The following MUSK variants were observed in gnomAD, a reference collection of about 807,000 sequenced individuals.
The protein encoded by MUSK is muscle, skeletal receptor tyrosine-protein kinase.
A neutral mutation model predicts 88.7 loss-of-function variants in MUSK; 55 were observed. The observed-to-expected ratio is 0.62, with a 90% CI of 0.50 to 0.78. The LOEUF (loss-of-function observed/expected upper bound fraction) is 0.78. Ranked by LOEUF, MUSK falls within the 30% of genes least tolerant of loss-of-function variation. The pLI is 0.00. For missense variants in MUSK, 1,015 were observed against 1,074.3 expected (o/e 0.94, Z 0.77); for synonymous variants, 387 against 391.9 (o/e 0.99, Z 0.15).
chr9:110,797,186 AAAG>A (rs1273788304), intron 14 of MUSK, among the ~76,000 whole-genome samples: 19 of 142,296 alleles, frequency 1.3e-4, no homozygotes, highest in African/African-American at 3.6e-4. Flanking sequence ...AAAAAAAAAA[AAAG>A]AAGGCATTTC....
At chr9:110,735,534 T>G (rs1056541066) in intron 6 of MUSK, among the ~76,000 whole-genome samples, 2 of 152,024 alleles carry the variant, frequency 1.3e-5, no homozygotes, top group African/African-American at 4.8e-5. Context: ...AGTAGAATGA[T>G]GGATATCAGA....
chr9:110,775,758 T>C (rs373745787), intron 9 of MUSK, 30 bp from the exon 10 acceptor site: 1 of 1,605,508 alleles, frequency 6.2e-7, no homozygotes. Flanking sequence ...TAATGATTCA[T>C]CAAGTTTTGT....
Position 110,774,381 on chromosome 9 carries a change from T to C in MUSK, c.1185-1407T>C, listed in dbSNP as rs996096273. 1.6e-4 allele frequency among the ~76,000 whole-genome samples: 24 copies of C among 152,244 alleles called. 1 individual carries two copies. Among genetic ancestry groups the C allele is most frequent in the Admixed American group, 1.4e-3 (21 of 15,280 alleles). On this transcript the variant is annotated intron_variant, in intron 9 of 14. Transcript: ENST00000374448. ...GTTCATCTTGATTTGTTTTTTCTTG[T>C]GAAAAACTCTGCTATAGAGGGCATG... is the stretch of plus-strand genomic sequence containing the variant.
chr9:110,786,216 CAGA>C (rs896356736), intron 13 of MUSK, among the ~76,000 whole-genome samples: 2 of 147,158 alleles, frequency 1.4e-5, no homozygotes, highest in African/African-American at 5.0e-5. Context: ...GAGTCTGAGG[CAGA>C]AGAATTGCTT....
intron 6 of MUSK, among the ~76,000 whole-genome samples, chr9:110,740,445 C>G (rs901042307): frequency 2.0e-5 from 3 of 152,084 alleles, no homozygotes; most frequent in African/African-American, 7.2e-5. Flanking sequence ...CAATGATGAG[C>G]GCCAAAAATC....
Position 110,734,347 on chromosome 9 carries a change from C to T in MUSK, c.725C>T (p.Thr242Ile), listed in dbSNP as rs1343010603. 1.2e-6 allele frequency: 2 copies of T among 1,613,114 alleles called. No homozygotes were observed. Among genetic ancestry groups the T allele is most frequent in the Non-Finnish European group, 1.7e-6 (2 of 1,179,458 alleles). The change falls in exon 6 of 15, where the codon ACC becomes ATC. Residue 242 changes from threonine (T) to isoleucine (I), a missense_variant. By Grantham distance (89) the Thr-to-Ile change is moderately conservative. Coordinates refer to ENST00000374448, the MANE Select transcript of MUSK (RefSeq NM_005592.4). ...HCTATGIPVP[T>I]ITWIENGNAV... ...ACAGCAACAGGCATTCCTGTCCCCA[C>T]CATCACCTGGATTGAAAACGGAAAT...
intron 9 of MUSK, among the ~76,000 whole-genome samples, chr9:110,774,419 G>A (rs1323014188): frequency 6.6e-6 from 1 of 152,028 alleles, no homozygotes; most frequent in East Asian, 1.9e-4. Context: ...TTAGTGCATG[G>A]CAATGAAAAC....
chr9:110,674,412 T>C (rs755530560), intron 1 of MUSK, among the ~76,000 whole-genome samples: 8 of 152,190 alleles, frequency 5.3e-5, no homozygotes, highest in Non-Finnish European at 1.0e-4. Context: ...TCAAAATTCC[T>C]AAAAAATTAC....
At chr9:110,699,820 CTA>C (rs914121428) in intron 5 of MUSK, among the ~76,000 whole-genome samples, 10 of 152,158 alleles carry the variant, frequency 6.6e-5, no homozygotes, top group Non-Finnish European at 7.3e-5. Flanking sequence ...AATCAGAACT[CTA>C]TGGTGCCATT....
chr9:110,776,745 G>A, intron 11 of MUSK, 90 bp downstream of exon 11: 1 of 1,148,630 alleles, frequency 8.7e-7, no homozygotes, highest in Non-Finnish European at 1.2e-6. Flanking sequence ...CTGATGCCCA[G>A]AACAGAATGT....
chr9:110,692,141 T>G (rs201730385), intron 3 of MUSK, among the ~76,000 whole-genome samples: 30 of 151,754 alleles, frequency 2.0e-4, no homozygotes, highest in African/African-American at 7.0e-4. Context: ...TTTTTGTTTG[T>G]TTGGTTGGTT....
chr9:110,737,466 T>C (rs748158562), intron 6 of MUSK, among the ~76,000 whole-genome samples: 1 of 152,100 alleles, frequency 6.6e-6, no homozygotes, highest in Non-Finnish European at 1.5e-5. Flanking sequence ...ATTGCTTTTT[T>C]GTTTAATTTT....
chr9:110,722,640 A>C (rs888997814), intron 5 of MUSK, among the ~76,000 whole-genome samples: 1 of 152,136 alleles, frequency 6.6e-6, no homozygotes, highest in Admixed American at 6.6e-5. Flanking sequence ...AAAATTTTGC[A>C]AATAATGGAT....
chr9:110,731,536 G>A (rs1176570291), intron 5 of MUSK, among the ~76,000 whole-genome samples: 1 of 152,042 alleles, frequency 6.6e-6, no homozygotes, highest in East Asian at 1.9e-4. Context: ...GCATGTGAGA[G>A]TGCAGGAGAA....
chr9:110,786,929 C>T (rs1401400312), intron 13 of MUSK, among the ~76,000 whole-genome samples: 1 of 152,142 alleles, frequency 6.6e-6, no homozygotes, highest in Non-Finnish European at 1.5e-5. Context: ...GTAGAGGTTA[C>T]ATGAATAGTG....
At chr9:110,693,902 C>T (rs2076391585) in intron 3 of MUSK, among the ~76,000 whole-genome samples, 1 of 152,042 alleles carries the variant, frequency 6.6e-6, no homozygotes, top group African/African-American at 2.4e-5. Context: ...CAATACAACT[C>T]ACAATTGAGG....
chr9:110,718,399 G>A (rs895556066), intron 5 of MUSK, among the ~76,000 whole-genome samples: 5 of 151,908 alleles, frequency 3.3e-5, no homozygotes, highest in African/African-American at 1.2e-4. Context: ...AGAATTTGTG[G>A]ACAGGTTTTA....
intron 5 of MUSK, among the ~76,000 whole-genome samples, chr9:110,717,605 C>G (rs759404530): frequency 6.7e-6 from 1 of 149,938 alleles, no homozygotes; most frequent in Non-Finnish European, 1.5e-5. Flanking sequence ...TTTCTTATTT[C>G]TGAAACATAT....
chr9:110,783,249 GT>G (rs2077792734), intron 11 of MUSK, among the ~76,000 whole-genome samples: 1 of 151,968 alleles, frequency 6.6e-6, no homozygotes, highest in Admixed American at 6.6e-5. Flanking sequence ...CTTTTCTTCT[GT>G]GCTAACATTG....
Sources: gnomAD v4.1 joint callset for allele counts (sites outside exome capture counted in the v4.1 genomes callset) on GRCh38, gnomAD v4.1.1 for gene constraint, MANE v1.5 for transcripts, NCBI Gene and HGNC (gene_info 2026-07-23, HGNC 2026-07-21) for gene names.